The following LRRK2 variants were observed in gnomAD, a reference collection of about 807,000 sequenced individuals.
LRRK2 encodes leucine-rich repeat serine/threonine-protein kinase 2.
LRRK2 carries 203 observed loss-of-function variants against 302.6 expected under a neutral mutation model. That is an observed-to-expected ratio of 0.67 (90% CI 0.60 to 0.75). The LOEUF is 0.75. Among genes scored for constraint, LRRK2 ranks in the 30% least tolerant of loss-of-function variants. The pLI is 0.00. For missense variants in LRRK2, 2,830 were observed against 2,951.0 expected, an observed-to-expected ratio of 0.96 and a Z score of 0.95; for synonymous variants, 1,066 against 1,031.9, an observed-to-expected ratio of 1.03 and a Z score of -0.63.
At position 40,287,494 on chromosome 12, in the gene LRRK2, T is replaced by C; in HGVS notation, c.2644T>C (p.Ser882Pro). Residue 882 changes from serine to proline, a missense_variant, in exon 20 of 51, where the codon TCT (serine) becomes CCT (proline). This residue lies in a region of LRRK2 where 2,121 missense variants were observed against 2,148.0 expected (regional missense o/e 0.99). Transcript: ENST00000298910. The stretch of plus-strand genomic sequence containing the variant: ...TGAATGGACCTTTATTCCTGACTCT[T>C]CTATGGACAGTGTGTTTGCTCAAAG... ...FDEWTFIPDS[S>P]MDSVFAQSDD... 1 of 1,612,734 alleles carries C rather than the reference T, an allele frequency of 6.2e-7. No individual in the cohort carries two copies. The highest frequency in any genetic ancestry group is 8.5e-7 in the Non-Finnish European group (1 of 1,179,024).
At chr12:40,347,632 G>C (rs1946231350) in intron 42 of LRRK2, among the ~76,000 whole-genome samples, 1 of 152,166 alleles carries the variant, frequency 6.6e-6, no homozygotes, top group Admixed American at 6.5e-5. Flanking sequence ...ATATAATCTA[G>C]GTTATTTCCC....
chr12:40,355,222 T>C (rs985361720), intron 45 of LRRK2, among the ~76,000 whole-genome samples: 1 of 152,160 alleles, frequency 6.6e-6, no homozygotes, highest in African/African-American at 2.4e-5. Flanking sequence ...TATTTGAATA[T>C]GGTCAAAGAA....
At chr12:40,269,752 T>C (rs1943159211) in intron 14 of LRRK2, among the ~76,000 whole-genome samples, 1 of 152,192 alleles carries the variant, frequency 6.6e-6, no homozygotes, top group Non-Finnish European at 1.5e-5. Context: ...CAATTTTCTA[T>C]GTGTACGAAT....
At chr12:40,304,602 T>C (rs1274826109) in intron 27 of LRRK2, 2 of 159,268 alleles carry the variant, frequency 1.3e-5, no homozygotes, top group Non-Finnish European at 2.7e-5. Context: ...TACTTAACTA[T>C]GACAAAACAA....
At chr12:40,291,624 C>T (rs1393949664) in intron 20 of LRRK2, among the ~76,000 whole-genome samples, 1 of 151,730 alleles carries the variant, frequency 6.6e-6, no homozygotes, top group Admixed American at 6.6e-5. Flanking sequence ...TTTATTGAAA[C>T]ATGCTTTATG....
At chr12:40,225,746 T>C in intron 2 of LRRK2, 106 bp downstream of exon 2, 1 of 959,212 alleles carries the variant, frequency 1.0e-6, no homozygotes, top group Non-Finnish European at 1.6e-6. Context: ...TCCCAAAATT[T>C]GGCTTGAGGA....
chr12:40,339,318 A>G (rs987790680), intron 40 of LRRK2, among the ~76,000 whole-genome samples: 4 of 152,374 alleles, frequency 2.6e-5, no homozygotes, highest in South Asian at 4.1e-4. Flanking sequence ...GAAATGCTGT[A>G]GTCAATTTGA....
chr12:40,300,222 A>G (rs946138136), intron 25 of LRRK2, among the ~76,000 whole-genome samples: 1 of 152,212 alleles, frequency 6.6e-6, no homozygotes, highest in African/African-American at 2.4e-5. Context: ...GCTTTGCAAG[A>G]CATTATAATA....
intron 44 of LRRK2, among the ~76,000 whole-genome samples, chr12:40,353,147 G>A (rs898239914): frequency 2.0e-5 from 3 of 151,896 alleles, no homozygotes; most frequent in South Asian, 2.1e-4. Flanking sequence ...CTTCCCAGAC[G>A]GGGCGGCTGC....
intron 6 of LRRK2, among the ~76,000 whole-genome samples, chr12:40,242,719 CCTCGTTAAG>C (rs1250798154): frequency 6.7e-6 from 1 of 148,866 alleles, no homozygotes; most frequent in Admixed American, 6.8e-5. Context: ...TGGGGTTGAG[CCTCGTTAAG>C]AAATAGACCC....
chr12:40,364,987 C>T lies in LRRK2; in HGVS notation c.7327C>T (p.Arg2443Ter), dbSNP rs768396410. The T allele has an allele frequency of 4.3e-6, 7 of 1,612,416 alleles. No homozygotes were observed. Among genetic ancestry groups the T allele is most frequent in the East Asian group, 2.2e-5 (1 of 44,842 alleles). Reference protein sequence around the residue: ...HILLLDLSTRRLIRVIYNFCN... With the variant: ...HILLLDLSTR ...TTTACTCCTGGATCTTTCAACTCGT[C>T]GACTTATACGTGTAATTTACAACTT... is the stretch of plus-strand genomic sequence containing the variant. The change falls in exon 49 of 51, where the codon CGA becomes TGA. Residue 2443 changes from arginine to a stop codon, truncating the protein, a stop_gained. Coordinates refer to ENST00000298910, the MANE Select transcript of LRRK2 (RefSeq NM_198578.4). LOFTEE classifies it high-confidence loss of function.
chr12:40,235,875 G>A lies in LRRK2; in HGVS notation c.436+161G>A, dbSNP rs1046130062. ...AAAATTGCATCTGTTTTTAGACCTA[G>A]TGATGGGACAGCCATAATATAATCT... On this transcript the variant is annotated intron_variant, in intron 4 of 50. Transcript: ENST00000298910. Among the ~76,000 whole-genome samples the A allele has an allele frequency of 2.1e-5, 3 of 143,098 alleles. No homozygotes were observed. The Admixed American group carries it at 2.2e-4, about 11-fold the overall frequency. 93.9% of individuals were successfully genotyped at this position (143,098 alleles called of 152,430 possible). A position where few individuals can be genotyped will look rare whatever the true frequency, so the allele number is the denominator to read the frequency against.
At chr12:40,236,477 G>GT (rs1312760546) in intron 4 of LRRK2, among the ~76,000 whole-genome samples, 1 of 152,186 alleles carries the variant, frequency 6.6e-6, no homozygotes, top group East Asian at 1.9e-4. Context: ...TGATGCAACA[G>GT]TTGTGGGCAT....
In LRRK2 at chr12:40,257,287, T is replaced by A. The variant is rs1942562482; in HGVS notation, c.1328T>A (p.Leu443Gln). The change falls in exon 12 of 51, where the codon CTG (leucine) becomes CAG (glutamine). Residue 443 changes from leucine (L) to glutamine (Q), a missense_variant. By Grantham distance (113) the Leu-to-Gln change is moderately radical. Coordinates refer to ENST00000298910, the MANE Select transcript of LRRK2 (RefSeq NM_198578.4). ...RKILLSKGIH[L>Q]NVLELMQKHI... ...ATACTGTTATCAAAAGGAATACACCTGAATGTTTTGGAGTTAATGCAGAAG... is the reference window on the plus strand; with the variant it reads ...ATACTGTTATCAAAAGGAATACACCAGAATGTTTTGGAGTTAATGCAGAAG... 6.3e-7 allele frequency: 1 copy of A among 1,595,820 alleles called. No homozygotes were observed. Among genetic ancestry groups the A allele is most frequent in the East Asian group, 2.2e-5 (1 of 44,652 alleles).
At chr12:40,355,794 G>A (rs571028251) in intron 45 of LRRK2, among the ~76,000 whole-genome samples, 8 of 151,832 alleles carry the variant, frequency 5.3e-5, no homozygotes, top group African/African-American at 9.7e-5. Context: ...TCTGCCCACC[G>A]CAGCCTCCCA....
chr12:40,365,140 C>T (rs889453368), intron 49 of LRRK2, 90 bp downstream of exon 49: 8 of 1,220,114 alleles, frequency 6.6e-6, no homozygotes, highest in Non-Finnish European at 9.5e-6. Flanking sequence ...CTGAACTTTC[C>T]AGTGTCATAT....
At chr12:40,327,306 G>A (rs1945582629) in intron 38 of LRRK2, among the ~76,000 whole-genome samples, 1 of 152,130 alleles carries the variant, frequency 6.6e-6, no homozygotes, top group Admixed American at 6.6e-5. Flanking sequence ...ATTGCGGTTT[G>A]TCTAGAGCAC....
chr12:40,225,691 G>T, intron 2 of LRRK2, 51 bp downstream of exon 2: 1 of 1,500,122 alleles, frequency 6.7e-7, no homozygotes, highest in African/African-American at 1.4e-5. Context: ...TTTGGAAGGA[G>T]ACGTTTTACT....
At chr12:40,346,627 AAC>A (rs1946197156) in intron 41 of LRRK2, 124 bp from the exon 42 acceptor site, 1 of 864,052 alleles carries the variant, frequency 1.2e-6, no homozygotes, top group Non-Finnish European at 1.8e-6. Context: ...TTATAAAAAT[AAC>A]ACAGCCTGGT....
Sources: gnomAD v4.1 joint callset for allele counts (sites outside exome capture counted in the v4.1 genomes callset) on GRCh38, gnomAD v4.1.1 for gene constraint, gnomAD v4.1.1 regional missense constraint, MANE v1.5 for transcripts, NCBI Gene and HGNC (gene_info 2026-07-23, HGNC 2026-07-21) for gene names.